The following FBXL7 variants were observed in gnomAD, a reference collection of about 807,000 sequenced individuals.
The protein encoded by FBXL7 is F-box and leucine rich repeat protein 7.
Under a neutral mutation model 38.3 loss-of-function variants are expected in FBXL7, and 12 were observed. The observed-to-expected ratio is 0.31, with a 90% CI of 0.20 to 0.51. The LOEUF is 0.51. FBXL7 is among the 20% of genes least tolerant of loss of function. The pLI is 0.98. For missense variants in FBXL7, 567 were observed against 676.4 expected (o/e 0.84, Z 1.79); for synonymous variants, 297 against 300.9 (o/e 0.99, Z 0.13).
rs371934647 is a variant in FBXL7 at position 15,936,668 on chromosome 5, G to A, written c.958G>A (p.Val320Met). 1.3e-4 allele frequency: 213 copies of A among 1,608,270 alleles called. No homozygotes were observed. Among genetic ancestry groups the A allele is most frequent in the Non-Finnish European group, 1.6e-4 (192 of 1,179,690 alleles). The change falls in exon 4 of 4, where the codon GTG becomes ATG. Residue 320 changes from valine to methionine, a missense_variant. By Grantham distance (21) the Val-to-Met change is conservative. Transcript: ENST00000504595. The surrounding 1 kb of genome is among the most constrained non-coding windows in gnomAD (Gnocchi z 6.0). The stretch of plus-strand genomic sequence containing the variant: ...GACCGACGAAGGCCTGCGCTACCTG[G>A]TGATCTACTGCGCCTCCATCAAGGA... ...RLTDEGLRYLVIYCASIKELS... is the reference protein window; with the variant it reads ...RLTDEGLRYLMIYCASIKELS...
At chr5:15,547,260 G>C (rs1737939151) in intron 1 of FBXL7, among the ~76,000 whole-genome samples, 1 of 152,198 alleles carries the variant, frequency 6.6e-6, no homozygotes, top group Non-Finnish European at 1.5e-5. Context: ...TACCCCCTAA[G>C]TGTTTAGAGA....
At chr5:15,922,331 T>C (rs147648491) in intron 2 of FBXL7, among the ~76,000 whole-genome samples, 163 of 152,232 alleles carry the variant, frequency 1.1e-3, no homozygotes, top group East Asian at 6.2e-3. Context: ...GTCTTAAAAA[T>C]TGGGGCATTT....
intron 2 of FBXL7, among the ~76,000 whole-genome samples, chr5:15,719,231 T>C (rs1282810494): frequency 3.9e-5 from 6 of 152,194 alleles, no homozygotes; most frequent in African/African-American, 1.4e-4. Context: ...ACCTCTGTCT[T>C]AACATGACAA....
intron 2 of FBXL7, among the ~76,000 whole-genome samples, chr5:15,800,025 G>C (rs960851528): frequency 6.6e-6 from 1 of 152,108 alleles, no homozygotes; most frequent in Non-Finnish European, 1.5e-5. Flanking sequence ...ATTTTGGGAG[G>C]GGTTTTCTGC....
intron 1 of FBXL7, among the ~76,000 whole-genome samples, chr5:15,542,484 A>G (rs900865368): frequency 6.6e-6 from 1 of 152,190 alleles, no homozygotes; most frequent in Admixed American, 6.6e-5. Flanking sequence ...TTTCTGTCAT[A>G]AGTGATCACA....
chr5:15,606,137 T>C (rs575591380), intron 1 of FBXL7, among the ~76,000 whole-genome samples: 23 of 152,232 alleles, frequency 1.5e-4, no homozygotes, highest in Non-Finnish European at 2.2e-4. Flanking sequence ...CTTAGAAATA[T>C]GCTACCTCAC....
At chr5:15,847,658 T>C (rs575198188) in intron 2 of FBXL7, among the ~76,000 whole-genome samples, 11 of 152,242 alleles carry the variant, frequency 7.2e-5, no homozygotes, top group African/African-American at 2.4e-4. Flanking sequence ...CTTGCAGATA[T>C]CAGAAAGCTC....
intron 2 of FBXL7, among the ~76,000 whole-genome samples, chr5:15,917,178 A>T (rs1007588510): frequency 6.6e-6 from 1 of 152,226 alleles, no homozygotes; most frequent in African/African-American, 2.4e-5. Flanking sequence ...AGACATTGAC[A>T]TTCTGCTCTC....
intron 2 of FBXL7, among the ~76,000 whole-genome samples, chr5:15,666,770 A>G (rs1742296095): frequency 2.6e-5 from 4 of 152,170 alleles, no homozygotes; most frequent in Non-Finnish European, 5.9e-5. Flanking sequence ...TGGATTTGCA[A>G]TATTTACCTA....
chr5:15,748,902 GTCCT>G (rs1312381730), intron 2 of FBXL7, among the ~76,000 whole-genome samples: 3 of 152,040 alleles, frequency 2.0e-5, no homozygotes. Context: ...TCAAGTGATT[GTCCT>G]TCCTTGGCCT....
At chr5:15,677,748 G>A (rs182772750) in intron 2 of FBXL7, among the ~76,000 whole-genome samples, 4 of 152,216 alleles carry the variant, frequency 2.6e-5, no homozygotes, top group Admixed American at 6.5e-5. Context: ...TTAGGCTACC[G>A]TGTGTATTTA....
chr5:15,691,732 A>G (rs989814547), intron 2 of FBXL7, among the ~76,000 whole-genome samples: 15 of 152,148 alleles, frequency 9.9e-5, no homozygotes, highest in Admixed American at 7.9e-4. Flanking sequence ...TCACTGACAG[A>G]TGTTGGCCTG....
chr5:15,736,566 C>T (rs1347833822), intron 2 of FBXL7, among the ~76,000 whole-genome samples: 7 of 152,166 alleles, frequency 4.6e-5, no homozygotes, highest in Non-Finnish European at 1.5e-5. Flanking sequence ...CAAATTATTT[C>T]TAAGTGCAAA....
intron 2 of FBXL7, among the ~76,000 whole-genome samples, chr5:15,894,704 C>T (rs72736147): frequency 0.35 from 52,813 of 152,062 alleles, 11,587 homozygotes; most frequent in Non-Finnish European, 0.49. Context: ...TATGTCAAAT[C>T]TTGACACAAT....
chr5:15,858,858 T>C (rs892751415), intron 2 of FBXL7, among the ~76,000 whole-genome samples: 5 of 152,132 alleles, frequency 3.3e-5, no homozygotes, highest in Admixed American at 2.6e-4. Context: ...CCACCGGAAA[T>C]GTAGTATAAT....
At position 15,630,824 on chromosome 5, in the gene FBXL7, A is replaced by C. The variant is rs147322849; in HGVS notation, c.127+14752A>C. 2.6e-3 allele frequency among the ~76,000 whole-genome samples: 399 copies of C among 151,034 alleles called. 1 individual carries two copies. Among genetic ancestry groups the C allele is most frequent in the African/African-American group, 8.6e-3 (353 of 41,060 alleles). ...ATTCATCATTTAATCTGGATGAGAA[A>C]ACAAAAGCTGTGAAACAAAAATTTT... On this transcript the variant is annotated intron_variant, in intron 2 of 3. Coordinates refer to ENST00000504595, the MANE Select transcript of FBXL7 (RefSeq NM_012304.5).
intron 1 of FBXL7, among the ~76,000 whole-genome samples, chr5:15,536,547 C>G (rs1737590803): frequency 6.6e-6 from 1 of 152,188 alleles, no homozygotes; most frequent in Non-Finnish European, 1.5e-5. Flanking sequence ...AATGACTGCC[C>G]TGCTGGGTTT....
intron 2 of FBXL7, among the ~76,000 whole-genome samples, chr5:15,716,864 T>G (rs1054751495): frequency 6.6e-6 from 1 of 152,218 alleles, no homozygotes; most frequent in African/African-American, 2.4e-5. Flanking sequence ...GGAATCATTA[T>G]TTTTATTTTA....
intron 1 of FBXL7, among the ~76,000 whole-genome samples, chr5:15,567,047 C>G (rs953234091): frequency 2.6e-5 from 4 of 152,080 alleles, no homozygotes; most frequent in Non-Finnish European, 5.9e-5. Flanking sequence ...ATGATCTTAC[C>G]ACACTCATAA....
Sources: allele counts gnomAD v4.1 joint callset (sites outside exome capture counted in the v4.1 genomes callset), GRCh38; gene constraint gnomAD v4.1.1; non-coding constraint Gnocchi (gnomAD v3.1); transcripts MANE v1.5; gene names NCBI Gene and HGNC (gene_info 2026-07-23, HGNC 2026-07-21).